Variants in TSC1 observed in about 807,000 individuals in gnomAD.
TSC1 encodes the protein hamartin.
Under a neutral mutation model 124.3 loss-of-function variants are expected in TSC1, and 20 were observed. The observed-to-expected ratio is 0.16, with a 90% confidence interval of 0.11 to 0.23. The LOEUF (loss-of-function observed/expected upper bound fraction) is 0.23. Ranked by LOEUF, TSC1 falls within the 10% of genes least tolerant of loss-of-function variation. TSC1 has a pLI of 1.00. For synonymous variants in TSC1, 493 were observed against 539.1 expected (o/e 0.91, Z 1.19); for missense variants, 1,124 against 1,448.5 (o/e 0.78, Z 3.64).
chr9:132,937,261 T>G (rs953750842), intron 1 of TSC1, among the ~76,000 whole-genome samples: 1 of 152,026 alleles, frequency 6.6e-6, no homozygotes, highest in Non-Finnish European at 1.5e-5. Context: ...CTAACCAACA[T>G]GGAGAAACCC....
rs1846686000 is a variant in TSC1 at position 132,923,507 on chromosome 9, G to A, written c.364-15C>T. 1 of 1,614,052 alleles carries A rather than the reference G, an allele frequency of 6.2e-7. No homozygotes were observed. Among genetic ancestry groups the A allele is most frequent in the Non-Finnish European group, 8.5e-7 (1 of 1,179,932 alleles). On this transcript the variant is annotated splice_polypyrimidine_tract_variant and intron_variant, in intron 5 of 22. Coordinates refer to ENST00000298552, the MANE Select transcript of TSC1 (RefSeq NM_000368.5). The surrounding 1 kb of genome is among the most constrained non-coding windows in gnomAD (Gnocchi z 4.2). ...TCAGTGTCCATCTGCAGGAGAAAAG[G>A]TCAAACAGGAAACGTCTGTCAGGCA...
intron 12 of TSC1, 128 bp downstream of exon 12, chr9:132,910,443 T>C: frequency 5.2e-6 from 8 of 1,546,598 alleles, no homozygotes; most frequent in Non-Finnish European, 7.1e-6. Context: ...CCATTTTCAA[T>C]TATTCTGATT....
At chr9:132,925,832 C>A in intron 4 of TSC1, 93 bp from the exon 5 acceptor site, 3 of 1,507,898 alleles carry the variant, frequency 2.0e-6, no homozygotes, top group African/African-American at 1.4e-5. Context: ...TCTCTCAAGT[C>A]TTGTCTCTAA....
intron 8 of TSC1, chr9:132,912,934 T>C (rs960473702): frequency 6.1e-6 from 1 of 165,158 alleles, no homozygotes; most frequent in African/African-American, 2.4e-5. Flanking sequence ...TCCATGAGAA[T>C]TTTTTTCTTT....
Position 132,923,755 on chromosome 9 carries a change from C to G in TSC1, c.364-263G>C, listed in dbSNP as rs893190013. 38 of 469,108 alleles carry G rather than the reference C, an allele frequency of 8.1e-5. No homozygotes were observed. Among genetic ancestry groups the G allele is most frequent in the African/African-American group, 6.7e-4 (34 of 51,052 alleles). The allele number at this position is 469,108 out of a possible 1,614,324, so 29.1% of individuals were successfully genotyped here. A position where few individuals can be genotyped will look rare whatever the true frequency, so the allele number is the denominator to read the frequency against. Reference sequence around the variant, plus strand: ...TGCAAAGGCATCCGGGAGACGAGTTCAAACTTGACTTGGGGACACCCAAGT... The same window carrying G: ...TGCAAAGGCATCCGGGAGACGAGTTGAAACTTGACTTGGGGACACCCAAGT... On this transcript the variant is annotated intron_variant, in intron 5 of 22. Transcript: ENST00000298552. This position sits in a 1 kb window ranked among gnomAD's most constrained non-coding sequence, Gnocchi z 4.2.
At chr9:132,925,768 C>T (rs781572831) in intron 4 of TSC1, 29 bp from the exon 5 acceptor site, 1 of 1,613,946 alleles carries the variant, frequency 6.2e-7, no homozygotes, top group Non-Finnish European at 8.5e-7. Context: ...AAGGGCAGTC[C>T]TCACATGAAT....
chr9:132,904,523 T>C (rs757917293), intron 15 of TSC1, 69 bp from the exon 16 acceptor site: 78 of 1,504,524 alleles, frequency 5.2e-5, no homozygotes, highest in African/African-American at 6.9e-5. Context: ...TGGACTTTTA[T>C]TTGCAGCAAA....
In TSC1 at chr9:132,905,919, A is replaced by G. The variant is rs1845638307; in HGVS notation, c.1659T>C (p.Thr553=). 2 of 1,613,454 alleles carry G rather than the reference A, an allele frequency of 1.2e-6. No homozygotes were observed. The highest frequency in any genetic ancestry group is 1.7e-6 in the Non-Finnish European group (2 of 1,179,476). Reference sequence around the variant, plus strand: ...CACTGCCGCAGGGCAGGTCTATGGGAGTAAAGGCTTGCTTTGGTGTGTCAG... The same window carrying G: ...CACTGCCGCAGGGCAGGTCTATGGGGGTAAAGGCTTGCTTTGGTGTGTCAG... ...LGPDTPKQAF[T]PIDLPCGSAD... Residue 553 remains threonine (T), a synonymous_variant, in exon 15 of 23, where the codon ACT becomes ACC. Coordinates refer to ENST00000298552, the MANE Select transcript of TSC1 (RefSeq NM_000368.5).
Position 132,906,803 on chromosome 9 carries a change from G to C in TSC1, c.1366C>G (p.Leu456Val), listed in dbSNP as rs2131866685. Residue 456 changes from leucine to valine, a missense_variant, in exon 14 of 23, where the codon CTA becomes GTA. Leu to Val is a conservative substitution (Grantham distance 32). Around this residue, in one of 5 missense-constraint regions of TSC1, gnomAD observed 463 missense variants for 606.8 expected, o/e 0.76. Transcript: ENST00000298552. The surrounding 1 kb of genome is among the most constrained non-coding windows in gnomAD (Gnocchi z 4.1). ...CCTAAAAACCCTGGAAGATCACTTA[G>C]AGTGACAGAACCTTTGCTGCCAGGT... Reference protein sequence around the residue: ...EPPGSKGSVTLSDLPGFLGDL... With the variant: ...EPPGSKGSVTVSDLPGFLGDL... 1 of 1,614,128 alleles carries C rather than the reference G, an allele frequency of 6.2e-7. No individual in the cohort carries two copies. The highest frequency in any genetic ancestry group is 8.5e-7 in the Non-Finnish European group (1 of 1,180,034).
intron 12 of TSC1, among the ~76,000 whole-genome samples, chr9:132,908,649 T>C (rs1463080816): frequency 6.6e-6 from 1 of 151,720 alleles, no homozygotes; most frequent in Non-Finnish European, 1.5e-5. Flanking sequence ...GGGTTTTGCA[T>C]GTTGCCCAGG....
intron 2 of TSC1, among the ~76,000 whole-genome samples, chr9:132,930,948 G>A (rs910904582): frequency 1.3e-5 from 2 of 152,180 alleles, no homozygotes; most frequent in Admixed American, 1.3e-4. Flanking sequence ...AAACCAAAAA[G>A]CGATTAGTAT....
chr9:132,941,925 CAG>C (rs1379128577), intron 1 of TSC1: 2 of 152,216 alleles, frequency 1.3e-5, no homozygotes, highest in African/African-American at 4.8e-5. Flanking sequence ...CACAGGCTCA[CAG>C]AACTTAAGTG....
upstream of TSC1, chr9:132,944,816 A>AG (rs567276269): frequency 3.8e-4 from 147 of 384,444 alleles, no homozygotes; most frequent in African/African-American, 2.5e-3. Flanking sequence ...GTTTTTATGG[A>AG]GGGGGGCGGG....
At chr9:132,930,731 C>T (rs1415219062) in intron 2 of TSC1, among the ~76,000 whole-genome samples, 1 of 151,890 alleles carries the variant, frequency 6.6e-6, no homozygotes, top group East Asian at 1.9e-4. Flanking sequence ...TTGTGACATT[C>T]ACTGATTTTG....
At position 132,923,821 on chromosome 9, in the gene TSC1, AAACAAAAGGAGCTGCTTTTC is replaced by A; in HGVS notation, c.364-349_364-330del. The A allele has an allele frequency of 3.7e-6, 1 of 267,646 alleles. No homozygotes were observed. Among genetic ancestry groups the A allele is most frequent in the Non-Finnish European group, 7.3e-6 (1 of 137,560 alleles). 16.6% of individuals were successfully genotyped at this position (267,646 alleles called of 1,614,324 possible). ...TGCCCTATTGATAGCAGTTGGATGA[AAACAAAAGGAGCTGCTTTTC>A]AACAAAACACAGGAGCACTGCTCTG... On this transcript the variant is annotated intron_variant, in intron 5 of 22. Coordinates refer to ENST00000298552, the MANE Select transcript of TSC1 (RefSeq NM_000368.5). The surrounding 1 kb of genome is among the most constrained non-coding windows in gnomAD (Gnocchi z 4.2).
chr9:132,923,549 C>T lies in TSC1; in HGVS notation c.364-57G>A, dbSNP rs1846688409. On this transcript the variant is annotated intron_variant, in intron 5 of 22. Transcript: ENST00000298552. This position sits in a 1 kb window ranked among gnomAD's most constrained non-coding sequence, Gnocchi z 4.2. The stretch of plus-strand genomic sequence containing the variant: ...TGTCAGGCACTGGCACCAGGATCGG[C>T]ATTGTACAGTACATGAAGAGGCTCT... 3 of 1,612,006 alleles carry T rather than the reference C, an allele frequency of 1.9e-6. No individual in the cohort carries two copies. Among genetic ancestry groups the T allele is most frequent in the Admixed American group, 3.3e-5 (2 of 59,996 alleles).
Position 132,900,739 on chromosome 9 carries a change from C to A in TSC1, c.2601G>T (p.Gln867His). 6.2e-7 allele frequency: 1 copy of A among 1,614,174 alleles called. No individual in the cohort carries two copies. Among genetic ancestry groups the A allele is most frequent in the South Asian group, 1.1e-5 (1 of 91,078 alleles). Residue 867 changes from glutamine to histidine, a missense_variant, in exon 20 of 23, where the codon CAG becomes CAT. Physicochemically the swap from Gln to His is conservative, Grantham distance 24 (BLOSUM62 0). Transcript: ENST00000298552. ...EVNELYLEQLQNKHSDTTKEV... is the reference protein window; with the variant it reads ...EVNELYLEQLHNKHSDTTKEV... Reference sequence around the variant, plus strand: ...CCTTTGTGGTATCTGAGTGCTTGTTCTGCAGTTGTTCCAAATAGAGCTCGT... The same window carrying A: ...CCTTTGTGGTATCTGAGTGCTTGTTATGCAGTTGTTCCAAATAGAGCTCGT...
intron 1 of TSC1, chr9:132,941,817 A>C (rs1847750780): frequency 6.6e-6 from 1 of 152,156 alleles, no homozygotes; most frequent in Non-Finnish European, 1.5e-5. Context: ...ATTTAGTCAG[A>C]ATATTTAAAT....
At position 132,914,326 on chromosome 9, in the gene TSC1, A is replaced by C. The variant is rs137893223; in HGVS notation, c.738-1869T>G. Among the ~76,000 whole-genome samples the C allele has an allele frequency of 7.3e-3, 1,116 of 151,946 alleles. 12 individuals are homozygous for C. The highest frequency in any genetic ancestry group is 0.022 in the African/African-American group (909 of 41,500). ...CAGCACAGCTTGTAATGGAAAGAAG[A>C]AAGGAAATAACCCAAAGTTCAACCA... On this transcript the variant is annotated intron_variant, in intron 8 of 22. Coordinates refer to ENST00000298552, the MANE Select transcript of TSC1 (RefSeq NM_000368.5).
Sources: gnomAD v4.1 joint callset for allele counts (sites outside exome capture counted in the v4.1 genomes callset) on GRCh38, gnomAD v4.1.1 for gene constraint, gnomAD v4.1.1 regional missense constraint, Gnocchi (gnomAD v3.1) non-coding constraint, MANE v1.5 for transcripts, NCBI Gene and HGNC (gene_info 2026-07-23, HGNC 2026-07-21) for gene names.